Variants in RRP12 observed in about 807,000 individuals in gnomAD.
The protein encoded by RRP12 is ribosomal RNA processing 12 homolog.
A neutral mutation model predicts 157.3 loss-of-function variants in RRP12; 78 were observed. The ratio of observed to expected loss-of-function variants is 0.50; its 90% CI spans 0.41 to 0.60. The LOEUF is 0.60. RRP12 is among the 20% of genes least tolerant of loss of function. The pLI is 0.00. For synonymous variants in RRP12, 726 were observed against 670.9 expected (o/e 1.08, Z -1.27); for missense variants, 1,521 against 1,679.9 (o/e 0.91, Z 1.65).
rs368946721 is a variant in RRP12, at chr10:97,380,813, G to C, written c.1519C>G (p.Pro507Ala). ...TCCCCACTCACCTTCCTCATCACAGGGTGGGCCTGTCTCCCACACGCCTCG... is the reference window on the plus strand; with the variant it reads ...TCCCCACTCACCTTCCTCATCACAGCGTGGGCCTGTCTCCCACACGCCTCG... ...FFEACGRQAH[P>A]VMRKCLQSLC... Residue 507 changes from proline (P) to alanine (A), a missense_variant, in exon 13 of 34, where the codon CCT (proline) becomes GCT (alanine). By Grantham distance (27) the Pro-to-Ala change is conservative. Coordinates refer to ENST00000370992, the MANE Select transcript of RRP12 (RefSeq NM_015179.4). 8.1e-6 allele frequency: 13 copies of C among 1,612,884 alleles called. No individual in the cohort carries two copies. Among genetic ancestry groups the C allele is most frequent in the Non-Finnish European group, 1.1e-5 (13 of 1,178,942 alleles).
rs988798793 is a variant in RRP12 at position 97,400,533 on chromosome 10, T to C, written c.141A>G (p.Gly47=). 10 of 1,612,188 alleles carry C rather than the reference T, an allele frequency of 6.2e-6. No homozygotes were observed. Among genetic ancestry groups the C allele is most frequent in the Middle Eastern group, 1.7e-4 (1 of 6,058 alleles). ...CAGCATCGACTGTCAGGTCACTCCT[T>C]CCTGAGAGCCAGAGGCACAAGATAA... ...ARSRFFSRPS[G]RSDLTVDAVK... is the part of the protein sequence containing the mutation. The change falls in exon 2 of 34, where the codon GGA becomes GGG. Residue 47 remains glycine, a splice_region_variant and synonymous_variant. Coordinates refer to ENST00000370992, the MANE Select transcript of RRP12 (RefSeq NM_015179.4).
intron 9 of RRP12, 72 bp from the exon 10 acceptor site, chr10:97,385,329 A>G: frequency 8.6e-7 from 1 of 1,166,920 alleles, no homozygotes; most frequent in South Asian, 1.3e-5. Flanking sequence ...ACCCCTTCCC[A>G]TCCTGGCACC....
chr10:97,388,313 G>C lies in RRP12; in HGVS notation c.956C>G (p.Pro319Arg), dbSNP rs145670609. 3 of 1,613,938 alleles carry C rather than the reference G, an allele frequency of 1.9e-6. No individual in the cohort carries two copies. The African/African-American group carries it at 4.0e-5, about 22-fold the overall frequency. Residue 319 changes from proline (P) to arginine (R), a missense_variant, in exon 8 of 34, where the codon CCG becomes CGG. Transcript: ENST00000370992. ...ACTGCAGCTCTTCACCAGGCCTTCC[G>C]GGAAGCAGGGCAGCAGGTCCTTCAG... Reference protein sequence around the residue: ...TLLKDLLPCFPEGLVKSCSET... With the variant: ...TLLKDLLPCFREGLVKSCSET...
Position 97,379,777 on chromosome 10 carries a change from CAG to C in RRP12, c.1534-9_1534-8del, listed in dbSNP as rs1844415651. On this transcript the variant is annotated splice_polypyrimidine_tract_variant and splice_region_variant and intron_variant, in intron 13 of 33. Coordinates refer to ENST00000370992, the MANE Select transcript of RRP12 (RefSeq NM_015179.4). ...CACACAGGGACTGGAGGCACTGCAG[CAG>C]AGATGAGTGACCACACATCAAGACA... 1.9e-6 allele frequency: 3 copies of C among 1,599,064 alleles called. No individual in the cohort carries two copies. The highest frequency in any genetic ancestry group is 2.6e-6 in the Non-Finnish European group (3 of 1,172,918).
chr10:97,370,960 A>C lies in RRP12; in HGVS notation c.2465T>G (p.Leu822Arg). Residue 822 changes from leucine to arginine, a missense_variant, in exon 21 of 34, where the codon CTG becomes CGG. Transcript: ENST00000370992. Reference protein sequence around the residue: ...SHLEDLKKTLLDSLRSTSSPA... With the variant: ...SHLEDLKKTLRDSLRSTSSPA... Reference sequence around the variant, plus strand: ...TGAGGAGGTGCTCCGCAGCGAGTCCAGCAGTGTCTTCTTCAGGTCCTCCAG... The same window carrying C: ...TGAGGAGGTGCTCCGCAGCGAGTCCCGCAGTGTCTTCTTCAGGTCCTCCAG... 1 of 1,614,036 alleles carries C rather than the reference A, an allele frequency of 6.2e-7. No individual in the cohort carries two copies. Among genetic ancestry groups the C allele is most frequent in the Admixed American group, 1.7e-5 (1 of 60,016 alleles).
At chr10:97,377,844 C>CAAAA (rs57212325) in intron 15 of RRP12, among the ~76,000 whole-genome samples, 1 of 48,786 alleles carries the variant, frequency 2.0e-5, no homozygotes, top group African/African-American at 7.6e-5. Context: ...GACTTCATCT[C>CAAAA]AAAAAAAAAA....
At chr10:97,364,418 C>T (rs1449057939) in intron 29 of RRP12, among the ~76,000 whole-genome samples, 2 of 152,024 alleles carry the variant, frequency 1.3e-5, no homozygotes, top group African/African-American at 4.8e-5. Context: ...AACCAAAAGA[C>T]GATAGAGAGC....
chr10:97,370,176 C>A lies in RRP12; in HGVS notation c.2788G>T (p.Glu930Ter). ...GGAAATAAGCATTTACCTTTAAACT[C>A]GAAAAGGAGGTGGGTCAGGGCCAGG... ...SILALTHLLFEFKGLMGTSTV... is the reference protein window; with the variant it reads ...SILALTHLLF Residue 930 changes from glutamate to a stop codon, truncating the protein, a stop_gained, in exon 24 of 34, where the codon GAG becomes TAG. Coordinates refer to ENST00000370992, the MANE Select transcript of RRP12 (RefSeq NM_015179.4). LOFTEE classifies it high-confidence loss of function. 1 of 1,599,132 alleles carries A rather than the reference C, an allele frequency of 6.3e-7. No homozygotes were observed. The highest frequency in any genetic ancestry group is 1.1e-5 in the South Asian group (1 of 88,462).
chr10:97,366,499 C>T lies in RRP12; in HGVS notation c.3338G>A (p.Gly1113Asp). 1 of 1,614,048 alleles carries T rather than the reference C, an allele frequency of 6.2e-7. No homozygotes were observed. The highest frequency in any genetic ancestry group is 8.5e-7 in the Non-Finnish European group (1 of 1,180,018). ...QRSRAWLKEGGGDEPLNFLDP... is the reference protein window; with the variant it reads ...QRSRAWLKEGDGDEPLNFLDP... ...CAGGAAGTTGAGGGGCTCGTCCCCACCGCCCTCTTTCAGCCATGCCCGGCT... is the reference window on the plus strand; with the variant it reads ...CAGGAAGTTGAGGGGCTCGTCCCCATCGCCCTCTTTCAGCCATGCCCGGCT... The change falls in exon 28 of 34, where the codon GGT (glycine) becomes GAT (aspartate). Residue 1113 changes from glycine to aspartate, a missense_variant. Gly to Asp is a moderately conservative substitution (Grantham distance 94). Transcript: ENST00000370992.
intron 25 of RRP12, 180 bp from the exon 26 acceptor site, chr10:97,367,312 T>C (rs884450): frequency 0.051 from 31,415 of 610,026 alleles, 981 homozygotes; most frequent in Non-Finnish European, 0.062. Context: ...AGGCCCCATC[T>C]TTCCCCTGCA....
rs187469326 is a variant in RRP12, at chr10:97,358,204, G to A, written c.3791+333C>T. Among the ~76,000 whole-genome samples, 757 of 152,020 alleles carry A rather than the reference G, an allele frequency of 5.0e-3. 5 individuals are homozygous for A. Among genetic ancestry groups the A allele is most frequent in the Non-Finnish European group, 8.1e-3 (549 of 67,972 alleles). ...AAAAATTAGCTGGGCATGGTGGCAC[G>A]CGCCTGTAGTCCTAGCTACTCGGGA... On this transcript the variant is annotated intron_variant, in intron 33 of 33. Transcript: ENST00000370992.
intron 25 of RRP12, among the ~76,000 whole-genome samples, chr10:97,368,153 C>T (rs1228674353): frequency 6.6e-6 from 1 of 151,230 alleles, no homozygotes; most frequent in Middle Eastern, 3.2e-3. Flanking sequence ...ACCTCAGCCA[C>T]ATGAACAGCT....
intron 15 of RRP12, among the ~76,000 whole-genome samples, chr10:97,379,058 GCTC>G (rs1589426431): frequency 6.6e-6 from 1 of 152,252 alleles, no homozygotes; most frequent in East Asian, 1.9e-4. Context: ...TGTGGAGGCA[GCTC>G]CTGTCTCACA....
intron 29 of RRP12, among the ~76,000 whole-genome samples, chr10:97,364,787 A>G (rs1191377288): frequency 6.6e-6 from 1 of 152,126 alleles, no homozygotes; most frequent in Non-Finnish European, 1.5e-5. Context: ...TGGGGGAATC[A>G]GGCCTAAAGG....
chr10:97,395,322 A>AG (rs1413063202), intron 3 of RRP12, among the ~76,000 whole-genome samples: 1 of 151,280 alleles, frequency 6.6e-6, no homozygotes, highest in Non-Finnish European at 1.5e-5. Context: ...AGGCTGAGGT[A>AG]GGGGGGATCA....
intron 20 of RRP12, 139 bp from the exon 21 acceptor site, chr10:97,371,220 T>A: frequency 1.1e-6 from 1 of 904,254 alleles, no homozygotes; most frequent in Non-Finnish European, 1.7e-6. Context: ...ACCAGTGGAA[T>A]GTGGACAGCG....
chr10:97,382,629 C>T (rs1238833276), intron 10 of RRP12, among the ~76,000 whole-genome samples: 1 of 152,132 alleles, frequency 6.6e-6, no homozygotes, highest in African/African-American at 2.4e-5. Flanking sequence ...GGATTCACAC[C>T]CTTAGCAATG....
chr10:97,385,274 GC>G lies in RRP12; in HGVS notation c.1117-18del. 1.3e-6 allele frequency: 2 copies of G among 1,594,128 alleles called. No homozygotes were observed. Among genetic ancestry groups the G allele is most frequent in the Non-Finnish European group, 1.7e-6 (2 of 1,162,074 alleles). ...GTACAGGGCCTAAAAGTGGGAATAAGCAGGTGACTGAGCATGCAGGGTCTGC... is the reference window on the plus strand; with the variant it reads ...GTACAGGGCCTAAAAGTGGGAATAAGAGGTGACTGAGCATGCAGGGTCTGC... On this transcript the variant is annotated intron_variant, in intron 9 of 33. Transcript: ENST00000370992.
At chr10:97,371,569 A>T (rs1844155532) in intron 20 of RRP12, 1 of 189,884 alleles carries the variant, frequency 5.3e-6, no homozygotes, top group South Asian at 1.1e-4. Context: ...CTGTTAGGTA[A>T]CTGCTACTAA....
Sources: allele counts gnomAD v4.1 joint callset (sites outside exome capture counted in the v4.1 genomes callset), GRCh38; gene constraint gnomAD v4.1.1; transcripts MANE v1.5; gene names NCBI Gene and HGNC (gene_info 2026-07-23, HGNC 2026-07-21).